WDR70: variants seen among roughly 807,000 people sequenced by gnomAD.
WDR70 encodes WD repeat-containing protein 70.
Under a neutral mutation model 88.6 loss-of-function variants are expected in WDR70, and 53 were observed. That is an observed-to-expected ratio of 0.60 (90% CI 0.48 to 0.75). The LOEUF (loss-of-function observed/expected upper bound fraction) is 0.75. WDR70 is among the 30% of genes least tolerant of loss of function. WDR70 has a pLI of 0.00. For synonymous variants in WDR70, 280 were observed against 270.0 expected (o/e 1.04, Z -0.36); for missense variants, 610 against 823.2 (o/e 0.74, Z 3.17).
chr5:37,555,586 A>G (rs1032217232), intron 9 of WDR70, among the ~76,000 whole-genome samples: 3 of 152,228 alleles, frequency 2.0e-5, no homozygotes, highest in African/African-American at 7.2e-5. Context: ...GAATGTTTTT[A>G]CATGTACTTG....
chr5:37,692,916 A>T (rs1746850882), intron 10 of WDR70, among the ~76,000 whole-genome samples: 1 of 152,210 alleles, frequency 6.6e-6, no homozygotes, highest in Non-Finnish European at 1.5e-5. Context: ...GGAAAAGAGG[A>T]AGTCAGATTG....
At chr5:37,426,563 A>G (rs955567440) in intron 5 of WDR70, among the ~76,000 whole-genome samples, 5 of 152,204 alleles carry the variant, frequency 3.3e-5, no homozygotes, top group Non-Finnish European at 1.5e-5. Context: ...TTACTTACAT[A>G]GCGGGTGCCT....
intron 8 of WDR70, among the ~76,000 whole-genome samples, chr5:37,499,549 C>A (rs1269323692): frequency 7.2e-6 from 1 of 139,502 alleles, no homozygotes; most frequent in Non-Finnish European, 1.5e-5. Context: ...TATATATTCT[C>A]AACTTAAGTC....
At chr5:37,710,701 C>T (rs1345988683) in intron 13 of WDR70, among the ~76,000 whole-genome samples, 4 of 152,128 alleles carry the variant, frequency 2.6e-5, no homozygotes, top group Non-Finnish European at 5.9e-5. Flanking sequence ...CAGTGCTGTG[C>T]CAAGCTGTAT....
chr5:37,424,105 C>T (rs539765857), intron 5 of WDR70, among the ~76,000 whole-genome samples: 10 of 128,748 alleles, frequency 7.8e-5, no homozygotes, highest in African/African-American at 1.7e-4. Context: ...GCTGAGATCA[C>T]GCCACTGCAT....
intron 8 of WDR70, among the ~76,000 whole-genome samples, chr5:37,512,510 C>G (rs140661315): frequency 6.6e-6 from 1 of 152,002 alleles, no homozygotes; most frequent in Non-Finnish European, 1.5e-5. Context: ...TGAGCCACCA[C>G]GCCCAGCCCT....
At chr5:37,496,496 C>G (rs1172226932) in intron 8 of WDR70, among the ~76,000 whole-genome samples, 1 of 152,200 alleles carries the variant, frequency 6.6e-6, no homozygotes, top group Non-Finnish European at 1.5e-5. Context: ...GTAACACTCA[C>G]CGCGAGGGTC....
chr5:37,638,015 T>C (rs1745017773), intron 10 of WDR70, among the ~76,000 whole-genome samples: 1 of 152,124 alleles, frequency 6.6e-6, no homozygotes, highest in Non-Finnish European at 1.5e-5. Context: ...TCCAGCCTGG[T>C]TCTGAGTCTG....
chr5:37,588,444 C>A (rs1033348527), intron 9 of WDR70, among the ~76,000 whole-genome samples: 7 of 152,122 alleles, frequency 4.6e-5, no homozygotes, highest in Admixed American at 2.0e-4. Flanking sequence ...AAAAAAGGAA[C>A]CCCATCACCT....
intron 10 of WDR70, among the ~76,000 whole-genome samples, chr5:37,657,015 C>T (rs888631077): frequency 2.0e-5 from 3 of 152,160 alleles, no homozygotes; most frequent in African/African-American, 4.8e-5. Context: ...GGTTCTGTCT[C>T]GCTGGCATTC....
chr5:37,637,455 T>C (rs1745004582), intron 10 of WDR70, among the ~76,000 whole-genome samples: 1 of 152,130 alleles, frequency 6.6e-6, no homozygotes, highest in African/African-American at 2.4e-5. Context: ...CAGGGTTAAG[T>C]CAGCTCACTT....
At chr5:37,510,698 C>T (rs1190320338) in intron 8 of WDR70, among the ~76,000 whole-genome samples, 3 of 152,172 alleles carry the variant, frequency 2.0e-5, no homozygotes, top group African/African-American at 7.2e-5. Flanking sequence ...ATGATTTTTT[C>T]ACCAGTTCCA....
chr5:37,476,859 T>G (rs1405474515), intron 7 of WDR70, among the ~76,000 whole-genome samples: 2 of 152,012 alleles, frequency 1.3e-5, no homozygotes, highest in Non-Finnish European at 2.9e-5. Context: ...TTTTAAGAGA[T>G]TGGGTCTTGC....
At chr5:37,464,904 G>A (rs1581306067) in intron 7 of WDR70, among the ~76,000 whole-genome samples, 1 of 152,112 alleles carries the variant, frequency 6.6e-6, no homozygotes, top group South Asian at 2.1e-4. Flanking sequence ...TTACAATGTC[G>A]ATCTAACATC....
chr5:37,416,235 G>A (rs1027767078), intron 5 of WDR70, among the ~76,000 whole-genome samples: 6 of 152,228 alleles, frequency 3.9e-5, no homozygotes, highest in South Asian at 2.1e-4. Context: ...AGCACTGAGT[G>A]AACGAGACTC....
At chr5:37,617,210 G>C (rs1008353160) in intron 10 of WDR70, among the ~76,000 whole-genome samples, 1 of 152,106 alleles carries the variant, frequency 6.6e-6, no homozygotes. Flanking sequence ...TTAACAACTC[G>C]CCCAAGGCCA....
chr5:37,515,838 T>A (rs1233678429), intron 8 of WDR70, among the ~76,000 whole-genome samples: 3 of 152,216 alleles, frequency 2.0e-5, no homozygotes, highest in Non-Finnish European at 4.4e-5. Flanking sequence ...GAGGGAATTA[T>A]GCATTTGTAT....
In WDR70 at chr5:37,628,932, C is replaced by A. The variant is rs147300366; in HGVS notation, c.1092+23694C>A. On this transcript the variant is annotated intron_variant, in intron 10 of 17. Transcript: ENST00000265107. ...TTTTCACTTCCAGATGTAAGACTCCCTTGAGCATGTCTTGTAAGACTGTTC... is the reference window on the plus strand; with the variant it reads ...TTTTCACTTCCAGATGTAAGACTCCATTGAGCATGTCTTGTAAGACTGTTC... 1.8e-3 allele frequency among the ~76,000 whole-genome samples: 281 copies of A among 152,248 alleles called. 1 individual carries two copies. Among genetic ancestry groups the A allele is most frequent in the African/African-American group, 6.5e-3 (269 of 41,540 alleles).
chr5:37,710,774 G>A (rs538394154), intron 13 of WDR70, among the ~76,000 whole-genome samples: 3 of 152,174 alleles, frequency 2.0e-5, no homozygotes, highest in African/African-American at 7.2e-5. Flanking sequence ...AAATGTTGAT[G>A]TTTTGTTTGC....
Sources: gnomAD v4.1 joint callset for allele counts (sites outside exome capture counted in the v4.1 genomes callset) on GRCh38, gnomAD v4.1.1 for gene constraint, MANE v1.5 for transcripts, NCBI Gene and HGNC (gene_info 2026-07-23, HGNC 2026-07-21) for gene names.